The following CAPN9 variants were observed in gnomAD, a reference collection of about 807,000 sequenced individuals.
The protein encoded by CAPN9 is calpain-9.
In CAPN9, 81 loss-of-function variants were observed where a neutral mutation model predicts 92.8. The ratio of observed to expected loss-of-function variants is 0.87; its 90% confidence interval spans 0.73 to 1.05. The LOEUF (loss-of-function observed/expected upper bound fraction) is 1.05. CAPN9 is among the 50% of genes least tolerant of loss of function. The pLI, the probability that CAPN9 is intolerant of heterozygous loss-of-function variation, is 0.00. For missense variants in CAPN9, 848 were observed against 866.2 expected (o/e 0.98, Z 0.26); for synonymous variants, 304 against 328.0 (o/e 0.93, Z 0.79).
At chr1:230,760,472 C>T (rs936884872) in intron 3 of CAPN9, among the ~76,000 whole-genome samples, 8 of 152,178 alleles carry the variant, frequency 5.3e-5, no homozygotes, top group African/African-American at 9.7e-5. Flanking sequence ...TCAGGGCCAG[C>T]CCGTTTCTTC....
chr1:230,795,311 C>T (rs760736515), intron 18 of CAPN9, 32 bp downstream of exon 18: 80 of 1,371,954 alleles, frequency 5.8e-5, no homozygotes, highest in Non-Finnish European at 7.3e-5. Context: ...GGGTGCACCT[C>T]GGGGTGGCAT....
chr1:230,768,025 TAAATAAATAAATA>T (rs1330770099), intron 5 of CAPN9, among the ~76,000 whole-genome samples: 1 of 94,816 alleles, frequency 1.1e-5, no homozygotes, highest in African/African-American at 3.3e-5. Context: ...AATAAATAAA[TAAATAAATAAATA>T]AATAAATAAA....
rs1374987582 is a variant in CAPN9 at position 230,762,810 on chromosome 1, AG to A, written c.536+26del. On this transcript the variant is annotated intron_variant, in intron 4 of 19. Coordinates refer to ENST00000271971, the MANE Select transcript of CAPN9 (RefSeq NM_006615.3). Reference sequence around the variant, plus strand: ...AAGTGAGTGACAGCTTCCCCAGCTCAGGCAGCCTCCCGACAGGAGTCTCTAC... The same window carrying A: ...AAGTGAGTGACAGCTTCCCCAGCTCAGCAGCCTCCCGACAGGAGTCTCTAC... The A allele has an allele frequency of 1.9e-6, 3 of 1,611,264 alleles. No individual in the cohort carries two copies. In the African/African-American group the frequency reaches 4.0e-5, roughly 22 times the overall value.
intron 8 of CAPN9, chr1:230,775,943 C>G (rs1666740623): frequency 6.6e-6 from 1 of 151,646 alleles, no homozygotes; most frequent in Non-Finnish European, 1.5e-5. Flanking sequence ...AATACTACAA[C>G]CCAAAACCAT....
At chr1:230,769,393 A>C in intron 6 of CAPN9, 130 bp downstream of exon 6, 1 of 665,986 alleles carries the variant, frequency 1.5e-6, no homozygotes, top group South Asian at 2.4e-5. Context: ...TGTCACCTAA[A>C]GAGGCAGGCT....
At chr1:230,787,458 G>C in intron 12 of CAPN9, 64 bp from the exon 13 acceptor site, 2 of 1,429,464 alleles carry the variant, frequency 1.4e-6, no homozygotes, top group Non-Finnish European at 2.0e-6. Context: ...CTTCTTTCCT[G>C]CTATTTTTGT....
At chr1:230,788,705 G>A (rs16852673) in intron 13 of CAPN9, among the ~76,000 whole-genome samples, 8,385 of 152,280 alleles carry the variant, frequency 0.055, 271 homozygotes, top group South Asian at 0.13. Flanking sequence ...ACAGCAGGAA[G>A]GTGGCTGAGC....
At chr1:230,747,815 CA>C in intron 1 of CAPN9, 106 bp downstream of exon 1, 32 of 918,950 alleles carry the variant, frequency 3.5e-5, no homozygotes, top group Non-Finnish European at 5.2e-5. Flanking sequence ...ACGCTCAGTG[CA>C]ACTGAGGTGC....
chr1:230,774,431 C>A, intron 7 of CAPN9, 123 bp from the exon 8 acceptor site: 1 of 687,126 alleles, frequency 1.5e-6, no homozygotes, highest in South Asian at 1.8e-5. Context: ...TTTTTGGGAC[C>A]CAGTGAGTAG....
intron 3 of CAPN9, 138 bp from the exon 4 acceptor site, chr1:230,762,515 C>T: frequency 1.0e-6 from 1 of 957,518 alleles, no homozygotes; most frequent in Non-Finnish European, 1.6e-6. Context: ...TACCTTGGAA[C>T]CCGTGTGTGA....
intron 13 of CAPN9, 64 bp downstream of exon 13, chr1:230,787,666 G>C: frequency 6.9e-7 from 1 of 1,444,206 alleles, no homozygotes; most frequent in African/African-American, 1.4e-5. Context: ...TCCTAGCAAA[G>C]GGTTGCAGTC....
chr1:230,792,572 A>G lies in CAPN9; in HGVS notation c.1791+78A>G, dbSNP rs1459893082. ...CAGAGGGGATTTAAAATGGTGCAGC[A>G]GGCTGCAGGCTATAGGCTAGAGGAA... On this transcript the variant is annotated intron_variant, in intron 16 of 19. Coordinates refer to ENST00000271971, the MANE Select transcript of CAPN9 (RefSeq NM_006615.3). 3.0e-5 allele frequency: 34 copies of G among 1,120,354 alleles called. No homozygotes were observed. The East Asian group carries it at 8.0e-4, about 26-fold the overall frequency. 69.4% of individuals were successfully genotyped at this position (1,120,354 alleles called of 1,614,324 possible). A position where few individuals can be genotyped will look rare whatever the true frequency, so the allele number is the denominator to read the frequency against.
Position 230,801,959 on chromosome 1 carries a change from A to C in CAPN9, c.*363A>C. The C allele has an allele frequency of 7.1e-6, 2 of 280,718 alleles. No individual in the cohort carries two copies. Among genetic ancestry groups the C allele is most frequent in the Admixed American group, 9.1e-5 (2 of 21,986 alleles). The allele number at this position is 280,718 out of a possible 1,614,324, so 17.4% of individuals were successfully genotyped here. ...CCATGTAGCTCCAGTCATTGTGATC[A>C]GACATCCTTTATAAAACATGTTTTT... On this transcript the variant is annotated 3_prime_UTR_variant, in exon 20 of 20. Transcript: ENST00000271971.
rs1369509175 is a variant in CAPN9, at chr1:230,789,417, C to G, written c.1600-715C>G. 1.3e-4 allele frequency among the ~76,000 whole-genome samples: 18 copies of G among 141,688 alleles called. No homozygotes were observed. The Admixed American group carries it at 1.4e-3, about 11-fold the overall frequency. The allele number at this position is 141,688 out of a possible 152,430, so 93.0% of individuals were successfully genotyped here. On this transcript the variant is annotated intron_variant, in intron 13 of 19. Transcript: ENST00000271971. ...GAGCATGGGAAATTGAGGCTGCAGT[C>G]AGCTGTGGTCACACCACTAATACTC...
intron 8 of CAPN9, among the ~76,000 whole-genome samples, 198 bp from the exon 9 acceptor site, chr1:230,778,775 T>G (rs1293963477): frequency 6.6e-6 from 1 of 152,232 alleles, no homozygotes; most frequent in Non-Finnish European, 1.5e-5. Flanking sequence ...ATCTATATTT[T>G]TAGCCTGGTT....
intron 1 of CAPN9, among the ~76,000 whole-genome samples, chr1:230,750,930 G>C (rs538053122): frequency 5.3e-5 from 8 of 152,166 alleles, no homozygotes; most frequent in Non-Finnish European, 1.2e-4. Context: ...AGGGACTGTG[G>C]ACCTGAGTGG....
chr1:230,773,575 C>T (rs1329669641), intron 7 of CAPN9, among the ~76,000 whole-genome samples: 1 of 152,186 alleles, frequency 6.6e-6, no homozygotes, highest in Non-Finnish European at 1.5e-5. Flanking sequence ...CAGGCGCCAT[C>T]CCGACTCCCT....
intron 19 of CAPN9, among the ~76,000 whole-genome samples, chr1:230,800,773 T>A (rs1264176784): frequency 2.0e-5 from 3 of 152,170 alleles, no homozygotes; most frequent in African/African-American, 7.2e-5. Flanking sequence ...CCAAGCATTG[T>A]TTTTCTTTAA....
chr1:230,792,572 A>C, intron 16 of CAPN9, 78 bp downstream of exon 16: 1 of 1,120,458 alleles, frequency 8.9e-7, no homozygotes, highest in Non-Finnish European at 1.4e-6. Context: ...ATGGTGCAGC[A>C]GGCTGCAGGC....
Sources: gnomAD v4.1 joint callset for allele counts (sites outside exome capture counted in the v4.1 genomes callset) on GRCh38, gnomAD v4.1.1 for gene constraint, MANE v1.5 for transcripts, NCBI Gene and HGNC (gene_info 2026-07-23, HGNC 2026-07-21) for gene names.